CAST: variants seen among roughly 807,000 people sequenced by gnomAD.
The protein encoded by CAST is MIR583 host.
CAST carries 76 observed loss-of-function variants against 119.6 expected under a neutral mutation model. That is an observed-to-expected ratio of 0.64 (90% CI 0.53 to 0.77). The LOEUF (loss-of-function observed/expected upper bound fraction) is 0.77, where lower values mean the gene tolerates loss of function less well. Among genes scored for constraint, CAST ranks in the 30% least tolerant of loss-of-function variants. The pLI, the probability that CAST is intolerant of heterozygous loss-of-function variation, is 0.00. For missense variants in CAST, 953 were observed against 946.5 expected, an observed-to-expected ratio of 1.01 and a Z score of -0.09; for synonymous variants, 319 against 331.6, an observed-to-expected ratio of 0.96 and a Z score of 0.41.
chr5:95,974,003 G>GCACACACACA, the CAST span, among the ~76,000 whole-genome samples: 2 of 146,878 alleles, frequency 1.4e-5, no homozygotes, highest in South Asian at 4.3e-4. Context: ...AAATTTGCAC[G>GCACACACACA]CACACACACA....
chr5:96,541,181 C>T lies in CAST; in HGVS notation c.60+11301C>T, dbSNP rs549355466. Among the ~76,000 whole-genome samples, 3 of 152,226 alleles carry T rather than the reference C, an allele frequency of 2.0e-5. No individual in the cohort carries two copies. The South Asian group carries it at 6.2e-4, about 32-fold the overall frequency. On this transcript the variant is annotated intron_variant, in intron 1 of 11. Coordinates refer to the CAST transcript ENST00000505143. ...AATTTATGAAATCGTTTATGTGTATCATTATGGTCTCATGAATATCTATTT... is the reference window on the plus strand; with the variant it reads ...AATTTATGAAATCGTTTATGTGTATTATTATGGTCTCATGAATATCTATTT...
chr5:96,363,174 G>A, the CAST span, among the ~76,000 whole-genome samples: 14 of 149,310 alleles, frequency 9.4e-5, no homozygotes, highest in Non-Finnish European at 1.9e-4. Context: ...TGAGGGCTCT[G>A]TTCTGTTCCA....
At chr5:96,657,717 G>A (rs1010073804), upstream of CAST, among the ~76,000 whole-genome samples, 1 of 152,178 alleles carries the variant, frequency 6.6e-6, no homozygotes, top group African/African-American at 2.4e-5. Context: ...GTGTTTGTGA[G>A]TGGGAGAAAA....
At chr5:96,604,291 A>T (rs537580863) in intron 1 of CAST, among the ~76,000 whole-genome samples, 1 of 152,290 alleles carries the variant, frequency 6.6e-6, no homozygotes, top group South Asian at 2.1e-4. Flanking sequence ...ATCTACTATA[A>T]TCACTTGATT....
the CAST span, among the ~76,000 whole-genome samples, chr5:96,143,989 T>C: frequency 6.6e-6 from 1 of 152,332 alleles, no homozygotes; most frequent in African/African-American, 2.4e-5. Context: ...TTTCTATACA[T>C]ATACTTGGTA....
the CAST span, among the ~76,000 whole-genome samples, chr5:96,251,270 A>G: frequency 2.1e-4 from 32 of 152,346 alleles, no homozygotes; most frequent in South Asian, 2.3e-3. Context: ...AATGCCTATC[A>G]GTTAAGTGGC....
chr5:96,463,770 C>CT, the CAST span, among the ~76,000 whole-genome samples: 1 of 152,036 alleles, frequency 6.6e-6, no homozygotes, highest in African/African-American at 2.4e-5. Context: ...GCTTCTGCTT[C>CT]TTCTCTGCCT....
At chr5:96,547,217 C>T (rs1021595743) in intron 1 of CAST, among the ~76,000 whole-genome samples, 10 of 152,130 alleles carry the variant, frequency 6.6e-5, no homozygotes, top group Middle Eastern at 3.4e-3. Flanking sequence ...AATTATGGGT[C>T]CCAAAAAGTC....
chr5:96,767,655 A>G (rs183924754), intron 28 of CAST, among the ~76,000 whole-genome samples, 173 bp downstream of exon 28: 8 of 152,314 alleles, frequency 5.3e-5, no homozygotes, highest in African/African-American at 1.7e-4. Flanking sequence ...AGTCTTCACA[A>G]AAGCCCTTTA....
the CAST span, among the ~76,000 whole-genome samples, chr5:96,140,471 A>G: frequency 1.3e-3 from 192 of 152,348 alleles, no homozygotes; most frequent in Middle Eastern, 6.8e-3. Flanking sequence ...ATTTGCTTTC[A>G]TTACTTATAG....
At chr5:96,025,899 T>C in the CAST span, among the ~76,000 whole-genome samples, 12 of 152,182 alleles carry the variant, frequency 7.9e-5, no homozygotes, top group African/African-American at 2.9e-4. Flanking sequence ...TAAAGTTTTA[T>C]AACATGTGAG....
At chr5:96,117,535 C>T in the CAST span, among the ~76,000 whole-genome samples, 176 of 152,236 alleles carry the variant, frequency 1.2e-3, 1 homozygote, top group Non-Finnish European at 1.2e-3. Context: ...TTCCGCGTGT[C>T]AGATGTGCAG....
the CAST span, among the ~76,000 whole-genome samples, chr5:96,337,946 G>T: frequency 6.6e-6 from 1 of 151,936 alleles, no homozygotes. Flanking sequence ...TTTTCCTTAT[G>T]TTTCTATAGC....
chr5:96,288,877 G>C, the CAST span, among the ~76,000 whole-genome samples: 5 of 152,034 alleles, frequency 3.3e-5, no homozygotes, highest in African/African-American at 1.2e-4. Flanking sequence ...GAGGAAATAT[G>C]GTAGTTGAAG....
the CAST span, among the ~76,000 whole-genome samples, chr5:96,343,935 C>CA: frequency 1.3e-5 from 2 of 152,160 alleles, no homozygotes; most frequent in Non-Finnish European, 2.9e-5. Flanking sequence ...TCCTTGAAGG[C>CA]AAGCATCTTT....
intron 1 of CAST, among the ~76,000 whole-genome samples, chr5:96,590,380 A>G (rs1746941654): frequency 6.6e-6 from 1 of 152,224 alleles, no homozygotes; most frequent in African/African-American, 2.4e-5. Context: ...ATGTGCTAGG[A>G]AAGGCTGTTG....
chr5:96,677,528 TA>T (rs1750854976), intron 2 of CAST, among the ~76,000 whole-genome samples: 1 of 152,248 alleles, frequency 6.6e-6, no homozygotes, highest in Non-Finnish European at 1.5e-5. Context: ...GACTTTGATT[TA>T]AAAAATTGAA....
the CAST span, among the ~76,000 whole-genome samples, chr5:95,967,208 A>G: frequency 6.6e-6 from 1 of 152,132 alleles, no homozygotes; most frequent in South Asian, 2.1e-4. Context: ...ATAGTGGACC[A>G]AATGCCATCA....
At chr5:96,432,226 C>T in the CAST span, 2 of 1,066,066 alleles carry the variant, frequency 1.9e-6, no homozygotes, top group East Asian at 5.2e-5. Flanking sequence ...TAGAGAGTCG[C>T]GGGGATAGAT....
Sources: allele counts gnomAD v4.1 joint callset (sites outside exome capture counted in the v4.1 genomes callset), GRCh38; gene constraint gnomAD v4.1.1; transcripts MANE v1.5; gene names NCBI Gene and HGNC (gene_info 2026-07-23, HGNC 2026-07-21).